Variants in AP2B1 observed in about 807,000 individuals in gnomAD.
The protein encoded by AP2B1 is adaptor related protein complex 2 subunit beta 1.
A neutral mutation model predicts 102.0 loss-of-function variants in AP2B1; 23 were observed. That is an observed-to-expected ratio of 0.23 (90% CI 0.16 to 0.32). AP2B1 has a LOEUF of 0.32. AP2B1 is among the 10% of genes least tolerant of loss of function. The probability of loss-of-function intolerance (pLI) is 1.00; values close to 1 mark genes in which losing one functional copy is unlikely to be tolerated. For synonymous variants in AP2B1, 381 were observed against 421.2 expected, an observed-to-expected ratio of 0.90 and a Z score of 1.17; for missense variants, 541 against 1,157.4, an observed-to-expected ratio of 0.47 and a Z score of 7.73.
In AP2B1 at chr17:35,723,914, C is replaced by G. The variant is rs2085474496; in HGVS notation, c.*215C>G. The G allele has an allele frequency of 2.1e-6, 1 of 466,972 alleles. No homozygotes were observed. Among genetic ancestry groups the G allele is most frequent in the African/African-American group, 1.9e-5 (1 of 52,318 alleles). The allele number at this position is 466,972 out of a possible 1,614,324, so 28.9% of individuals were successfully genotyped here. On this transcript the variant is annotated 3_prime_UTR_variant, in exon 22 of 22. Coordinates refer to ENST00000610402, the MANE Select transcript of AP2B1 (RefSeq NM_001030006.2). ...TAACCACTGCTTCAGTCACCTCCCA[C>G]CTCTTGCCACCTGCTGCTGCTATCT...
chr17:35,592,206 T>A (rs529531299), intron 1 of AP2B1, among the ~76,000 whole-genome samples: 31 of 152,276 alleles, frequency 2.0e-4, no homozygotes, highest in Non-Finnish European at 3.4e-4. Context: ...GTTTGCCAAA[T>A]ACATTATGTC....
chr17:35,682,108 A>T (rs2142992561), intron 17 of AP2B1, among the ~76,000 whole-genome samples: 1 of 152,190 alleles, frequency 6.6e-6, no homozygotes, highest in East Asian at 1.9e-4. Context: ...TACAAAAATT[A>T]GCATGGCATG....
chr17:35,619,909 C>T (rs112760906), intron 5 of AP2B1, among the ~76,000 whole-genome samples: 6,751 of 152,068 alleles, frequency 0.044, 178 homozygotes, highest in African/African-American at 0.07. Flanking sequence ...CTCAGCCTCC[C>T]GAGTAGCTGG....
chr17:35,648,174 A>C (rs150913543), intron 12 of AP2B1, among the ~76,000 whole-genome samples: 1 of 152,316 alleles, frequency 6.6e-6, no homozygotes, highest in East Asian at 1.9e-4. Flanking sequence ...CTTTTGAGGT[A>C]GGTACCAGGA....
intron 2 of AP2B1, among the ~76,000 whole-genome samples, chr17:35,595,551 GA>G (rs976587705): frequency 5.9e-5 from 9 of 151,780 alleles, no homozygotes; most frequent in African/African-American, 1.9e-4. Flanking sequence ...TGTCTCAAAA[GA>G]AAAAAATTAA....
intron 18 of AP2B1, among the ~76,000 whole-genome samples, chr17:35,704,273 T>G (rs2076296850): frequency 6.6e-6 from 1 of 152,162 alleles, no homozygotes; most frequent in African/African-American, 2.4e-5. Context: ...TTTCTTAGCA[T>G]GTAGATATTA....
intron 1 of AP2B1, among the ~76,000 whole-genome samples, chr17:35,588,083 T>A (rs2072959007): frequency 6.6e-6 from 1 of 151,808 alleles, no homozygotes. Context: ...TTTTTTTTCT[T>A]TTTCTGGGCT....
chr17:35,631,271 T>C lies in AP2B1; in HGVS notation c.1155+3545T>C, dbSNP rs553603476. Among the ~76,000 whole-genome samples the C allele has an allele frequency of 5.8e-4, 89 of 152,268 alleles. 1 individual carries two copies. The South Asian group carries it at 8.1e-3, about 14-fold the overall frequency. ...CTGTTTACTATTTCTGATTTTTATA[T>C]ATTAGAATAAAATATTGGTTTGTGT... is the stretch of plus-strand genomic sequence containing the variant. On this transcript the variant is annotated intron_variant, in intron 9 of 21. Transcript: ENST00000610402.
At chr17:35,623,356 G>C (rs1051799181) in intron 5 of AP2B1, among the ~76,000 whole-genome samples, 5 of 151,942 alleles carry the variant, frequency 3.3e-5, no homozygotes, top group Non-Finnish European at 5.9e-5. Flanking sequence ...CTGAGGTCAG[G>C]GGTTCGAGAC....
chr17:35,620,999 A>C (rs2074160099), intron 5 of AP2B1, among the ~76,000 whole-genome samples: 2 of 152,186 alleles, frequency 1.3e-5, no homozygotes. Context: ...AAAGAAGCAC[A>C]CCTTTGTCTT....
chr17:35,703,128 C>T (rs1399473421), intron 18 of AP2B1, among the ~76,000 whole-genome samples: 2 of 151,916 alleles, frequency 1.3e-5, no homozygotes, highest in African/African-American at 2.4e-5. Flanking sequence ...AAAAATTAGC[C>T]GGGCGTGGTG....
chr17:35,669,438 A>C (rs2075540945), intron 14 of AP2B1, among the ~76,000 whole-genome samples: 1 of 152,162 alleles, frequency 6.6e-6, no homozygotes, highest in Non-Finnish European at 1.5e-5. Flanking sequence ...CACCACGCCC[A>C]GCCAAGGATG....
intron 12 of AP2B1, 80 bp from the exon 13 acceptor site, chr17:35,650,450 T>C: frequency 6.6e-7 from 1 of 1,513,082 alleles, no homozygotes; most frequent in Non-Finnish European, 9.0e-7. Flanking sequence ...ACAACATTGG[T>C]TGATGATAAA....
intron 18 of AP2B1, among the ~76,000 whole-genome samples, chr17:35,705,747 C>T (rs1010734191): frequency 1.3e-5 from 2 of 152,092 alleles, no homozygotes; most frequent in African/African-American, 4.8e-5. Flanking sequence ...GTCTCAAACT[C>T]CTCACCTCAG....
intron 12 of AP2B1, among the ~76,000 whole-genome samples, chr17:35,644,603 T>A (rs1055870561): frequency 1.3e-5 from 2 of 151,844 alleles, no homozygotes; most frequent in African/African-American, 2.4e-5. Context: ...CAGGCTGGTC[T>A]TGAACTCCTG....
intron 20 of AP2B1, among the ~76,000 whole-genome samples, chr17:35,712,635 A>G (rs1305122753): frequency 2.0e-5 from 3 of 152,184 alleles, no homozygotes; most frequent in African/African-American, 7.2e-5. Context: ...TCTCAAAAAA[A>G]AAATAAAAAT....
At chr17:35,683,180 A>G (rs1489767356) in intron 18 of AP2B1, among the ~76,000 whole-genome samples, 8 of 152,118 alleles carry the variant, frequency 5.3e-5, no homozygotes, top group South Asian at 2.1e-4. Flanking sequence ...GCCTCGCCCA[A>G]TTTTTCATTT....
At chr17:35,710,488 A>G (rs1205714459) in intron 20 of AP2B1, among the ~76,000 whole-genome samples, 168 bp downstream of exon 20, 3 of 152,200 alleles carry the variant, frequency 2.0e-5, no homozygotes, top group Non-Finnish European at 2.9e-5. Flanking sequence ...TAAAAACGTG[A>G]TATGTTTTGA....
Position 35,722,563 on chromosome 17 carries a change from G to A in AP2B1, c.2782-1062G>A, listed in dbSNP as rs587756923. Reference sequence around the variant, plus strand: ...GTTGTTAGTTTTTAGGAAATTCACCGTTGACCAAAATCTTCTTGACCTTTT... The same window carrying A: ...GTTGTTAGTTTTTAGGAAATTCACCATTGACCAAAATCTTCTTGACCTTTT... On this transcript the variant is annotated intron_variant, in intron 21 of 21. Coordinates refer to ENST00000610402, the MANE Select transcript of AP2B1 (RefSeq NM_001030006.2). 4.8e-4 allele frequency among the ~76,000 whole-genome samples: 72 copies of A among 151,308 alleles called. 1 individual carries two copies. The highest frequency in any genetic ancestry group is 1.1e-3 in the African/African-American group (46 of 41,214).
Sources: allele counts gnomAD v4.1 joint callset (sites outside exome capture counted in the v4.1 genomes callset), GRCh38; gene constraint gnomAD v4.1.1; transcripts MANE v1.5; gene names NCBI Gene and HGNC (gene_info 2026-07-23, HGNC 2026-07-21).